The following REV3L variants were observed in gnomAD, a reference collection of about 807,000 sequenced individuals.
The protein encoded by REV3L is DNA polymerase zeta catalytic subunit.
A neutral mutation model predicts 299.4 loss-of-function variants in REV3L; 69 were observed. The ratio of observed to expected loss-of-function variants is 0.23; its 90% CI spans 0.19 to 0.28. The LOEUF is 0.28. Ranked by LOEUF, REV3L falls within the 10% of genes least tolerant of loss-of-function variation. The pLI is 1.00. For missense variants in REV3L, 3,128 were observed against 3,693.8 expected (o/e 0.85, Z 3.97); for synonymous variants, 1,238 against 1,271.4 (o/e 0.97, Z 0.56).
chr6:111,431,901 T>C lies in REV3L; in HGVS notation c.140-15429A>G. ...TGTTTTTAATTAAACTTTGCAACAGTGAATTTGAATGTTCCAGAGGTTGGA... is the reference window on the plus strand; with the variant it reads ...TGTTTTTAATTAAACTTTGCAACAGCGAATTTGAATGTTCCAGAGGTTGGA... On this transcript the variant is annotated intron_variant, in intron 1 of 31. Transcript: ENST00000368802. The C allele has an allele frequency of 5.2e-6, 2 of 384,046 alleles. 1 individual carries two copies. The highest frequency in any genetic ancestry group is 8.7e-5 in the South Asian group (2 of 23,068). 23.8% of individuals were successfully genotyped at this position (384,046 alleles called of 1,614,324 possible). A position where few individuals can be genotyped will look rare whatever the true frequency, so the allele number is the denominator to read the frequency against.
chr6:111,382,594 T>G (rs1238411184), intron 9 of REV3L, among the ~76,000 whole-genome samples: 1 of 152,070 alleles, frequency 6.6e-6, no homozygotes, highest in Non-Finnish European at 1.5e-5. Context: ...AGAACCTGAG[T>G]TGCAGCCAGC....
chr6:111,329,855 C>T (rs1172932751), intron 24 of REV3L, 117 bp from the exon 25 acceptor site: 1 of 736,920 alleles, frequency 1.4e-6, no homozygotes, highest in Non-Finnish European at 2.3e-6. Context: ...ATGCTAACAA[C>T]AGAGTGACCA....
chr6:111,315,408 T>A, intron 26 of REV3L, 27 bp from the exon 27 acceptor site: 1 of 1,581,666 alleles, frequency 6.3e-7, no homozygotes, highest in South Asian at 1.1e-5. Flanking sequence ...TAAAGTAAGG[T>A]AATGAGGAAG....
At chr6:111,338,501 T>C (rs1192980505) in intron 21 of REV3L, among the ~76,000 whole-genome samples, 1 of 151,436 alleles carries the variant, frequency 6.6e-6, no homozygotes, top group Non-Finnish European at 1.5e-5. Context: ...TTTTACCCTT[T>C]TTTTTACTAA....
chr6:111,390,939 G>C (rs920962735), intron 5 of REV3L, among the ~76,000 whole-genome samples: 3 of 151,948 alleles, frequency 2.0e-5, no homozygotes, highest in Admixed American at 6.6e-5. Context: ...GTGGATCCTA[G>C]TTTACTCATT....
Position 111,309,966 on chromosome 6 carries a change from T to C in REV3L, c.8929A>G (p.Thr2977Ala). 1 of 1,613,996 alleles carries C rather than the reference T, an allele frequency of 6.2e-7. No homozygotes were observed. The highest frequency in any genetic ancestry group is 2.2e-5 in the East Asian group (1 of 44,864). The change falls in exon 30 of 32, where the codon ACT (threonine) becomes GCT (alanine). Residue 2977 changes from threonine (T) to alanine (A), a missense_variant. Thr to Ala is a moderately conservative substitution (Grantham distance 58). Transcript: ENST00000368802. ...RRPVEVLQDPTLRLNATYYIT... is the reference protein window; with the variant it reads ...RRPVEVLQDPALRLNATYYIT... ...TAGTAAGTAGCATTCAGTCTCAGAGTTGGGTCCTGCAGGACTTCCACTGGG... is the reference window on the plus strand; with the variant it reads ...TAGTAAGTAGCATTCAGTCTCAGAGCTGGGTCCTGCAGGACTTCCACTGGG...
Position 111,365,240 on chromosome 6 carries a change from C to G in REV3L, c.6753+25G>C, listed in dbSNP as rs756458206. On this transcript the variant is annotated intron_variant, in intron 15 of 31. Coordinates refer to ENST00000368802, the MANE Select transcript of REV3L (RefSeq NM_001372078.1). The stretch of plus-strand genomic sequence containing the variant: ...GAAAAAGACTGGCTCTTCCACTGAT[C>G]TTTAAAAATGTTTAGTATAGTTACC... 5.3e-6 allele frequency: 7 copies of G among 1,318,660 alleles called. No homozygotes were observed. The Admixed American group carries it at 1.4e-4, about 27-fold the overall frequency. The allele number at this position is 1,318,660 out of a possible 1,614,324, so 81.7% of individuals were successfully genotyped here.
At chr6:111,384,331 T>C (rs1383399839) in intron 9 of REV3L, among the ~76,000 whole-genome samples, 3 of 152,068 alleles carry the variant, frequency 2.0e-5, no homozygotes, top group Non-Finnish European at 1.5e-5. Context: ...ACCCACAGAA[T>C]GGGAGGAAAT....
At chr6:111,433,231 T>A (rs925241827) in intron 1 of REV3L, among the ~76,000 whole-genome samples, 1 of 151,360 alleles carries the variant, frequency 6.6e-6, no homozygotes, top group African/African-American at 2.4e-5. Flanking sequence ...TAAAAACCAA[T>A]ACAGAAGATC....
chr6:111,452,931 GGAAAGA>G (rs1160112600), intron 1 of REV3L, among the ~76,000 whole-genome samples: 1 of 151,996 alleles, frequency 6.6e-6, no homozygotes, highest in Non-Finnish European at 1.5e-5. Context: ...GGAAATCACT[GGAAAGA>G]GCAAGAAATT....
At chr6:111,483,428 T>G, upstream of REV3L, 1 of 417,428 alleles carries the variant, frequency 2.4e-6, no homozygotes. Flanking sequence ...CCGCGCGGGA[T>G]CGATGACTCG....
At chr6:111,406,342 C>T (rs1012260321) in intron 3 of REV3L, among the ~76,000 whole-genome samples, 2 of 152,110 alleles carry the variant, frequency 1.3e-5, no homozygotes, top group Non-Finnish European at 1.5e-5. Context: ...GACCTAGTGT[C>T]AGAGGCAGGG....
intron 1 of REV3L, among the ~76,000 whole-genome samples, chr6:111,452,278 C>A (rs1178432244): frequency 6.6e-6 from 1 of 152,086 alleles, no homozygotes; most frequent in Non-Finnish European, 1.5e-5. Flanking sequence ...AATGGTACAG[C>A]CACACTGGGA....
Position 111,335,459 on chromosome 6 carries a change from G to C in REV3L, c.7680+10C>G, listed in dbSNP as rs775494833. 7.5e-6 allele frequency: 12 copies of C among 1,604,972 alleles called. No individual in the cohort carries two copies. Among genetic ancestry groups the C allele is most frequent in the African/African-American group, 1.3e-5 (1 of 74,292 alleles). ...GAACTTTCAAGTCTGCAAGAAAACT[G>C]ATTTCCCACCTGTGAACCCCTTGTC... On this transcript the variant is annotated intron_variant, in intron 22 of 31. Coordinates refer to ENST00000368802, the MANE Select transcript of REV3L (RefSeq NM_001372078.1).
rs1301824881 is a variant in REV3L, at chr6:111,335,550, C to T, written c.7599G>A (p.Gln2533=). The T allele has an allele frequency of 6.2e-7, 1 of 1,613,212 alleles. No homozygotes were observed. The highest frequency in any genetic ancestry group is 8.5e-7 in the Non-Finnish European group (1 of 1,179,614). ...CACTGGTTTTCCCAATCAGGTCCAG[C>T]TGTTCTAACATTTGGAGATTTCCAC... ...RVRGNLQMLE[Q]LDLIGKTSEM... The change falls in exon 22 of 32, where the codon CAG becomes CAA. Residue 2533 remains glutamine (Q), a synonymous_variant. Coordinates refer to ENST00000368802, the MANE Select transcript of REV3L (RefSeq NM_001372078.1).
intron 26 of REV3L, among the ~76,000 whole-genome samples, chr6:111,316,250 C>T (rs17511406): frequency 4.0e-5 from 6 of 151,164 alleles, no homozygotes; most frequent in African/African-American, 1.2e-4. Context: ...AGGTTGGGGA[C>T]CACTGTGGTA....
At chr6:111,421,061 G>A (rs1259326370) in intron 1 of REV3L, among the ~76,000 whole-genome samples, 1 of 152,154 alleles carries the variant, frequency 6.6e-6, no homozygotes, top group African/African-American at 2.4e-5. Context: ...CCGGGAGGCG[G>A]AGGTTGCAGT....
At position 111,483,070 on chromosome 6, in the gene REV3L, T is replaced by G; in HGVS notation, c.-182A>C. 1.5e-6 allele frequency: 1 copy of G among 670,960 alleles called. No homozygotes were observed. Among genetic ancestry groups the G allele is most frequent in the Non-Finnish European group, 2.2e-6 (1 of 448,472 alleles). The allele number at this position is 670,960 out of a possible 1,614,324, so 41.6% of individuals were successfully genotyped here. A position where few individuals can be genotyped will look rare whatever the true frequency, so the allele number is the denominator to read the frequency against. Reference sequence around the variant, plus strand: ...CGGTGTAGGCGCTGCTGCCGCCGCCTCCTCAGGAGCACCCGGCAAGGGGCC... The same window carrying G: ...CGGTGTAGGCGCTGCTGCCGCCGCCGCCTCAGGAGCACCCGGCAAGGGGCC... On this transcript the variant is annotated 5_prime_UTR_variant, in exon 1 of 32. Coordinates refer to ENST00000368802, the MANE Select transcript of REV3L (RefSeq NM_001372078.1).
chr6:111,442,269 TA>T (rs1788355676), intron 1 of REV3L, among the ~76,000 whole-genome samples: 1 of 152,260 alleles, frequency 6.6e-6, no homozygotes, highest in Admixed American at 6.5e-5. Flanking sequence ...TCTCCAACTG[TA>T]ACACTGGCTT....
Sources: gnomAD v4.1 joint callset for allele counts (sites outside exome capture counted in the v4.1 genomes callset) on GRCh38, gnomAD v4.1.1 for gene constraint, MANE v1.5 for transcripts, NCBI Gene and HGNC (gene_info 2026-07-23, HGNC 2026-07-21) for gene names.